The following INPP4B variants were observed in gnomAD, a reference collection of about 807,000 sequenced individuals.
The protein encoded by INPP4B is inositol polyphosphate 4-phosphatase type II.
A neutral mutation model predicts 122.5 loss-of-function variants in INPP4B; 55 were observed. That is an observed-to-expected ratio of 0.45 (90% CI 0.36 to 0.56). The LOEUF is 0.56. Among genes scored for constraint, INPP4B ranks in the 20% least tolerant of loss-of-function variants. The pLI, the probability that INPP4B is intolerant of heterozygous loss-of-function variation, is 0.00. For synonymous variants in INPP4B, 403 were observed against 388.7 expected (o/e 1.04, Z -0.43); for missense variants, 1,000 against 1,097.7 (o/e 0.91, Z 1.26).
chr4:142,698,105 A>G (rs1404778112), intron 2 of INPP4B, among the ~76,000 whole-genome samples: 3 of 152,142 alleles, frequency 2.0e-5, no homozygotes, highest in African/African-American at 7.2e-5. Flanking sequence ...TCAAGCTGAA[A>G]TAAATCTTGG....
chr4:142,160,293 T>TG, intron 17 of INPP4B, 65 bp downstream of exon 17: 1 of 1,079,402 alleles, frequency 9.3e-7, no homozygotes, highest in Non-Finnish European at 1.3e-6. Flanking sequence ...CAGAGCTATC[T>TG]GATCATTCCT....
chr4:142,515,628 A>C (rs1825323059), intron 2 of INPP4B, among the ~76,000 whole-genome samples: 1 of 152,090 alleles, frequency 6.6e-6, no homozygotes, highest in Non-Finnish European at 1.5e-5. Context: ...CGGCCATTGG[A>C]GTTAACTCAG....
chr4:142,213,423 C>A (rs571548548), intron 12 of INPP4B, among the ~76,000 whole-genome samples: 16 of 152,262 alleles, frequency 1.1e-4, no homozygotes, highest in Non-Finnish European at 4.4e-5. Context: ...ATATTCCCTG[C>A]CTCTGTCACT....
At chr4:142,229,883 A>G (rs1403346543) in intron 12 of INPP4B, among the ~76,000 whole-genome samples, 1 of 152,184 alleles carries the variant, frequency 6.6e-6, no homozygotes, top group East Asian at 1.9e-4. Context: ...AATTACTGCT[A>G]ATTTTTCTAA....
chr4:142,398,390 AAAAAAAAAAAAATATATAT>A (rs1800153806), intron 7 of INPP4B, among the ~76,000 whole-genome samples: 1 of 70,642 alleles, frequency 1.4e-5, no homozygotes, highest in Non-Finnish European at 2.4e-5. Flanking sequence ...AAAAAAAAAA[AAAAAAAAAAAAATATATAT>A]ATATATATAT....
intron 17 of INPP4B, among the ~76,000 whole-genome samples, chr4:142,147,014 C>G (rs1013996995): frequency 1.3e-5 from 2 of 152,164 alleles, no homozygotes; most frequent in African/African-American, 4.8e-5. Flanking sequence ...AGACGACTGC[C>G]ATTCCTCACT....
At chr4:142,726,989 TA>T (rs1003081675) in intron 1 of INPP4B, among the ~76,000 whole-genome samples, 35 of 152,258 alleles carry the variant, frequency 2.3e-4, no homozygotes, top group African/African-American at 8.2e-4. Context: ...CACTGTTCTT[TA>T]AAGAACAACA....
At chr4:142,624,719 G>C (rs1257844157) in intron 2 of INPP4B, among the ~76,000 whole-genome samples, 1 of 152,072 alleles carries the variant, frequency 6.6e-6, no homozygotes, top group Non-Finnish European at 1.5e-5. Flanking sequence ...GAACATTCGT[G>C]AAAAAATCCT....
At position 142,027,760 on chromosome 4, in the gene INPP4B, G is replaced by A. The variant is rs1354634151; in HGVS notation, c.*1022C>T. 1 of 155,898 alleles carries A rather than the reference G, an allele frequency of 6.4e-6. No homozygotes were observed. Among genetic ancestry groups the A allele is most frequent in the African/African-American group, 2.4e-5 (1 of 41,560 alleles). 9.7% of individuals were successfully genotyped at this position (155,898 alleles called of 1,614,324 possible). ...TTGGGATTTTGGAAAACTTATAAAT[G>A]TTATTTTGCTGAGTAAGGGCAAGGG... On this transcript the variant is annotated 3_prime_UTR_variant, in exon 26 of 26. Coordinates refer to ENST00000262992, the MANE Select transcript of INPP4B (RefSeq NM_001101669.3).
At chr4:142,527,570 A>G (rs1827093992) in intron 2 of INPP4B, among the ~76,000 whole-genome samples, 1 of 152,046 alleles carries the variant, frequency 6.6e-6, no homozygotes, top group African/African-American at 2.4e-5. Flanking sequence ...AGAATTTCAA[A>G]ACATTATAAA....
At chr4:142,472,491 C>G (rs1162422902) in intron 2 of INPP4B, among the ~76,000 whole-genome samples, 4 of 152,110 alleles carry the variant, frequency 2.6e-5, no homozygotes. Context: ...GTTAAAAGTT[C>G]CTCTTTAATA....
intron 1 of INPP4B, among the ~76,000 whole-genome samples, chr4:142,821,256 T>TTGAG (rs2151153784): frequency 6.6e-6 from 1 of 152,246 alleles, no homozygotes; most frequent in South Asian, 2.1e-4. Flanking sequence ...CTAAGTTCTC[T>TTGAG]TGAGTGGATT....
In INPP4B at chr4:142,026,388, G is replaced by A. The variant is rs138547902; in HGVS notation, c.*2394C>T. 1 of 152,328 alleles carries A rather than the reference G, an allele frequency of 6.6e-6. No homozygotes were observed. The highest frequency in any genetic ancestry group is 1.9e-4 in the East Asian group (1 of 5,188). The allele number at this position is 152,328 out of a possible 1,614,324, so 9.4% of individuals were successfully genotyped here. The stretch of plus-strand genomic sequence containing the variant: ...TACAGGCTTTCTATAAGGAAATGCA[G>A]ATGACTATGGTAATGAATGAAAATT... On this transcript the variant is annotated 3_prime_UTR_variant, in exon 26 of 26. Transcript: ENST00000262992.
rs184291207 is a variant in INPP4B at position 142,323,725 on chromosome 4, G to T, written c.373-8963C>A. On this transcript the variant is annotated intron_variant, in intron 7 of 25. Coordinates refer to ENST00000262992, the MANE Select transcript of INPP4B (RefSeq NM_001101669.3). ...CTCCCAAAGTGCAGGGATTACAGGC[G>T]TGAGCCACAGCGCCCAGCAGATCTT... 4.5e-3 allele frequency among the ~76,000 whole-genome samples: 683 copies of T among 151,462 alleles called. 4 individuals carry two copies. The highest frequency in any genetic ancestry group is 0.021 in the Middle Eastern group (6 of 288).
intron 5 of INPP4B, among the ~76,000 whole-genome samples, chr4:142,408,042 T>A (rs1454557406): frequency 6.6e-6 from 1 of 152,202 alleles, no homozygotes; most frequent in Non-Finnish European, 1.5e-5. Flanking sequence ...TATTTCTTCA[T>A]AAATACCAAA....
intron 23 of INPP4B, among the ~76,000 whole-genome samples, chr4:142,098,433 A>G (rs543376990): frequency 3.3e-5 from 5 of 152,298 alleles, no homozygotes; most frequent in African/African-American, 9.6e-5. Flanking sequence ...CTTTCATTTT[A>G]AAACAGTCAC....
intron 25 of INPP4B, among the ~76,000 whole-genome samples, chr4:142,077,957 A>G (rs1445631697): frequency 3.4e-5 from 1 of 29,748 alleles, no homozygotes; most frequent in Non-Finnish European, 3.1e-4. Context: ...GCCTTTAACA[A>G]CAAAAAAAAA....
At chr4:142,652,219 C>T (rs944684183) in intron 2 of INPP4B, among the ~76,000 whole-genome samples, 5 of 152,146 alleles carry the variant, frequency 3.3e-5, no homozygotes, top group South Asian at 4.1e-4. Flanking sequence ...TGGAATGTAT[C>T]ACAAAATAAT....
intron 7 of INPP4B, among the ~76,000 whole-genome samples, chr4:142,366,163 A>T (rs906849405): frequency 2.6e-5 from 4 of 151,946 alleles, no homozygotes; most frequent in Non-Finnish European, 5.9e-5. Flanking sequence ...TTCTCCCCAC[A>T]CTTCAGAATG....
Sources: allele counts gnomAD v4.1 joint callset (sites outside exome capture counted in the v4.1 genomes callset), GRCh38; gene constraint gnomAD v4.1.1; transcripts MANE v1.5; gene names NCBI Gene and HGNC (gene_info 2026-07-23, HGNC 2026-07-21).